GRB10: variants seen among roughly 807,000 people sequenced by gnomAD.
GRB10 encodes growth factor receptor bound protein 10.
In GRB10, 20 loss-of-function variants were observed where a neutral mutation model predicts 80.9. That is an observed-to-expected ratio of 0.25 (90% CI 0.17 to 0.36). The LOEUF is 0.36. GRB10 is among the 10% of genes least tolerant of loss of function. The probability of loss-of-function intolerance (pLI) is 1.00; values close to 1 mark genes in which losing one functional copy is unlikely to be tolerated. For missense variants in GRB10, 548 were observed against 747.7 expected, an observed-to-expected ratio of 0.73 and a Z score of 3.12; for synonymous variants, 291 against 291.5, an observed-to-expected ratio of 1.00 and a Z score of 0.02.
At chr7:50,628,418 G>A (rs2053390854) in intron 7 of GRB10, among the ~76,000 whole-genome samples, 1 of 152,174 alleles carries the variant, frequency 6.6e-6, no homozygotes, top group African/African-American at 2.4e-5. Context: ...ACAGCAGAGG[G>A]AAGGGCTGGG....
chr7:50,627,308 TA>T (rs1295731388), intron 7 of GRB10, among the ~76,000 whole-genome samples: 1 of 152,172 alleles, frequency 6.6e-6, no homozygotes, highest in East Asian at 1.9e-4. Context: ...TCATTTAAAA[TA>T]CGCTGGTGGT....
intron 11 of GRB10, among the ~76,000 whole-genome samples, chr7:50,615,203 T>A (rs991788803): frequency 1.3e-5 from 2 of 152,026 alleles, no homozygotes; most frequent in Non-Finnish European, 2.9e-5. Context: ...AAGGTCAGAG[T>A]TAAGAGCACA....
chr7:50,593,726 T>C (rs929622299), intron 18 of GRB10, among the ~76,000 whole-genome samples: 2 of 152,210 alleles, frequency 1.3e-5, no homozygotes, highest in African/African-American at 4.8e-5. Context: ...ATGACTGTAG[T>C]ACAGTGCAAA....
rs531718468 is a variant in GRB10 at position 50,632,726 on chromosome 7, A to G, written c.505-5748T>C. On this transcript the variant is annotated intron_variant, in intron 7 of 18. Transcript: ENST00000401949. ...GGAGGGAGAACCACAGGGTTGGGGGAGTGTGAGCTGGCAGTCTCCAGGGCT... is the reference window on the plus strand; with the variant it reads ...GGAGGGAGAACCACAGGGTTGGGGGGGTGTGAGCTGGCAGTCTCCAGGGCT... Among the ~76,000 whole-genome samples the G allele has an allele frequency of 2.6e-5, 4 of 152,136 alleles. No homozygotes were observed. The East Asian group carries it at 7.7e-4, about 29-fold the overall frequency.
intron 2 of GRB10, among the ~76,000 whole-genome samples, chr7:50,769,319 T>C (rs1379874870): frequency 6.6e-6 from 1 of 152,180 alleles, no homozygotes; most frequent in East Asian, 1.9e-4. Flanking sequence ...TGATGCTAAG[T>C]AGTCAGGAAT....
At position 50,674,676 on chromosome 7, in the gene GRB10, AG is replaced by A; in HGVS notation, c.140-19del. On this transcript the variant is annotated intron_variant, in intron 5 of 18. Transcript: ENST00000401949. The stretch of plus-strand genomic sequence containing the variant: ...ATCATCCTCTGCACAGAAAAAGGCA[AG>A]AGCAAAAAAGAAACTTTAACAATGG... The A allele has an allele frequency of 6.2e-7, 1 of 1,607,220 alleles. No homozygotes were observed. Among genetic ancestry groups the A allele is most frequent in the Non-Finnish European group, 8.5e-7 (1 of 1,174,828 alleles).
chr7:50,596,499 A>G lies in GRB10; in HGVS notation c.1545-969T>C, dbSNP rs1477240526. 2.6e-5 allele frequency among the ~76,000 whole-genome samples: 4 copies of G among 152,250 alleles called. No homozygotes were observed. In the South Asian group the frequency reaches 8.3e-4, roughly 31 times the overall value. On this transcript the variant is annotated intron_variant, in intron 17 of 18. Coordinates refer to ENST00000401949, the MANE Select transcript of GRB10 (RefSeq NM_001350814.2). Reference sequence around the variant, plus strand: ...AAACGCAGGTCAAGATTATGAATACATGCTGGGAGAGAAGATTTAGGATGA... The same window carrying G: ...AAACGCAGGTCAAGATTATGAATACGTGCTGGGAGAGAAGATTTAGGATGA...
At chr7:50,621,130 G>C (rs946328504) in intron 8 of GRB10, among the ~76,000 whole-genome samples, 2 of 152,234 alleles carry the variant, frequency 1.3e-5, no homozygotes, top group Non-Finnish European at 2.9e-5. Context: ...AGCCCCAAAG[G>C]GGGTGGCCAA....
intron 4 of GRB10, among the ~76,000 whole-genome samples, chr7:50,721,958 G>A (rs1563595567): frequency 1.3e-5 from 2 of 152,208 alleles, no homozygotes; most frequent in South Asian, 2.1e-4. Flanking sequence ...CGCGTGGAGC[G>A]GGGAGAAGGG....
rs2050986520 is a variant in GRB10 at position 50,618,103 on chromosome 7, G to T, written c.814C>A (p.Gln272Lys). 6.2e-7 allele frequency: 1 copy of T among 1,613,962 alleles called. No individual in the cohort carries two copies. The highest frequency in any genetic ancestry group is 8.5e-7 in the Non-Finnish European group (1 of 1,179,860). The change falls in exon 10 of 19, where the codon CAG (glutamine) becomes AAG (lysine). Residue 272 changes from glutamine (Q) to lysine (K), a missense_variant. Transcript: ENST00000401949. ...FPEQMVTWCQ[Q>K]SNGSQTQLLQ... ...AGCTGGGTTTGACTGCCATTTGACTGCTGGCACCAAGTAACCATCTGTTCT... is the reference window on the plus strand; with the variant it reads ...AGCTGGGTTTGACTGCCATTTGACTTCTGGCACCAAGTAACCATCTGTTCT...
chr7:50,781,193 T>C (rs7803278), intron 1 of GRB10: 97,912 of 152,124 alleles, frequency 0.64, 33,607 homozygotes, highest in Middle Eastern at 0.88. Context: ...TAGCACAAGA[T>C]GGGGAGGGGA....
intron 4 of GRB10, among the ~76,000 whole-genome samples, chr7:50,714,666 A>AC (rs1398344264): frequency 4.6e-5 from 7 of 151,496 alleles, no homozygotes; most frequent in Admixed American, 2.0e-4. Flanking sequence ...CTGTCTCAAA[A>AC]AAAAAAACAA....
At chr7:50,651,179 A>G (rs985617559) in intron 7 of GRB10, among the ~76,000 whole-genome samples, 1 of 152,224 alleles carries the variant, frequency 6.6e-6, no homozygotes. Flanking sequence ...GTGTATGTGT[A>G]TTAGTTTGCC....
At position 50,618,128 on chromosome 7, in the gene GRB10, T is replaced by C; in HGVS notation, c.789A>G (p.Pro263=). 6.2e-7 allele frequency: 1 copy of C among 1,613,866 alleles called. No individual in the cohort carries two copies. The highest frequency in any genetic ancestry group is 8.5e-7 in the Non-Finnish European group (1 of 1,179,778). Residue 263 remains proline, a synonymous_variant, in exon 10 of 19, where the codon CCA becomes CCG. Coordinates refer to ENST00000401949, the MANE Select transcript of GRB10 (RefSeq NM_001350814.2). ...EFFKNPMNFF[P]EQMVTWCQQS... ...GCTGGCACCAAGTAACCATCTGTTC[T>C]GGGAAGAAATTCTAAGAAAATGGGA...
chr7:50,754,072 A>C (rs890084720), intron 3 of GRB10, among the ~76,000 whole-genome samples: 1 of 152,206 alleles, frequency 6.6e-6, no homozygotes, highest in African/African-American at 2.4e-5. Flanking sequence ...GACGGGTCCA[A>C]GGAGGGCGAC....
At chr7:50,725,134 G>A (rs930533267) in intron 4 of GRB10, among the ~76,000 whole-genome samples, 1 of 152,170 alleles carries the variant, frequency 6.6e-6, no homozygotes, top group Non-Finnish European at 1.5e-5. Context: ...AAAATCTCAT[G>A]TCCATCCCCA....
intron 17 of GRB10, among the ~76,000 whole-genome samples, chr7:50,600,468 A>G (rs2047408013): frequency 1.3e-5 from 2 of 152,182 alleles, no homozygotes; most frequent in Non-Finnish European, 2.9e-5. Context: ...AGGATAAATA[A>G]ACCCAAGTGC....
chr7:50,746,708 C>T (rs552942390), intron 3 of GRB10, among the ~76,000 whole-genome samples: 2 of 152,274 alleles, frequency 1.3e-5, no homozygotes, highest in East Asian at 3.9e-4. Context: ...CCATCCCCAC[C>T]CTTTTCAGTG....
chr7:50,711,582 G>A (rs562789530), intron 4 of GRB10, among the ~76,000 whole-genome samples: 3 of 152,278 alleles, frequency 2.0e-5, no homozygotes, highest in Non-Finnish European at 4.4e-5. Flanking sequence ...GCCGAGTGAA[G>A]AGTGACTACC....
Sources: gnomAD v4.1 joint callset for allele counts (sites outside exome capture counted in the v4.1 genomes callset) on GRCh38, gnomAD v4.1.1 for gene constraint, MANE v1.5 for transcripts, NCBI Gene and HGNC (gene_info 2026-07-23, HGNC 2026-07-21) for gene names.